CNBD2: variants seen among roughly 807,000 people sequenced by gnomAD.
CNBD2 encodes the protein cyclic nucleotide-binding domain-containing protein 2.
Under a neutral mutation model 63.7 loss-of-function variants are expected in CNBD2, and 64 were observed. The observed-to-expected ratio is 1.00, with a 90% CI of 0.82 to 1.24. CNBD2 has a LOEUF of 1.24. CNBD2 is among the 50% of genes most tolerant of loss of function. The pLI, the probability that CNBD2 is intolerant of heterozygous loss-of-function variation, is 0.00. For missense variants in CNBD2, 691 were observed against 713.5 expected (o/e 0.97, Z 0.36); for synonymous variants, 229 against 255.4 (o/e 0.90, Z 0.99).
chr20:35,954,804 C>T (rs1228127934), exon 1 of CNBD2: 2 of 353,290 alleles, frequency 5.7e-6, no homozygotes, highest in African/African-American at 4.5e-5. Context: ...TGAGCTGTAG[C>T]TCTGATGGCC....
chr20:35,989,445 T>TGGTGCAAAC (rs1214635989), intron 7 of CNBD2, among the ~76,000 whole-genome samples: 1 of 152,152 alleles, frequency 6.6e-6, no homozygotes, highest in Non-Finnish European at 1.5e-5. Context: ...ACCAAGTGAT[T>TGGTGCAAAC]GGTGCAAACT....
chr20:36,007,558 C>T (rs2057002067), intron 8 of CNBD2, among the ~76,000 whole-genome samples: 1 of 152,152 alleles, frequency 6.6e-6, no homozygotes, highest in African/African-American at 2.4e-5. Context: ...CAAAGTCTTA[C>T]TGTTGCCCAG....
chr20:35,984,013 G>A lies in CNBD2; in HGVS notation c.439G>A (p.Gly147Arg). The A allele has an allele frequency of 6.2e-7, 1 of 1,614,196 alleles. No homozygotes were observed. Among genetic ancestry groups the A allele is most frequent in the Non-Finnish European group, 8.5e-7 (1 of 1,180,038 alleles). ...FGRRRVIIKK[G>R]QKGNSFYFIY... ...TCGCAGGCGTGTGATCATCAAGAAG[G>A]GGCAGAAGGGCAACAGCTTTTATTT... The change falls in exon 5 of 12, where the codon GGG (glycine) becomes AGG (arginine). Residue 147 changes from glycine to arginine, a missense_variant. Physicochemically the swap from Gly to Arg is moderately radical, Grantham distance 125 (BLOSUM62 -2). Transcript: ENST00000373973.
At chr20:36,000,297 T>G (rs1271980676) in intron 8 of CNBD2, among the ~76,000 whole-genome samples, 1 of 152,232 alleles carries the variant, frequency 6.6e-6, no homozygotes, top group African/African-American at 2.4e-5. Context: ...AAGTCTTTTT[T>G]GACTTGCATT....
chr20:35,988,343 G>T (rs550683650), intron 7 of CNBD2, among the ~76,000 whole-genome samples: 2 of 151,316 alleles, frequency 1.3e-5, no homozygotes, highest in South Asian at 4.2e-4. Flanking sequence ...ATTTTTTTTT[G>T]TATTTTTAGT....
At chr20:35,983,636 T>A (rs1178133908) in intron 4 of CNBD2, among the ~76,000 whole-genome samples, 1 of 152,220 alleles carries the variant, frequency 6.6e-6, no homozygotes, top group African/African-American at 2.4e-5. Context: ...GTCCTCCTAA[T>A]CATTTAGTGA....
chr20:36,017,862 C>G (rs1008877343), intron 10 of CNBD2, among the ~76,000 whole-genome samples: 8 of 152,350 alleles, frequency 5.3e-5, no homozygotes, highest in African/African-American at 1.9e-4. Flanking sequence ...CACCGCTCCT[C>G]CTGCCACTCA....
At chr20:35,980,431 C>A (rs2056580284) in intron 3 of CNBD2, 28 bp from the exon 4 acceptor site, 2 of 1,612,934 alleles carry the variant, frequency 1.2e-6, no homozygotes, top group Non-Finnish European at 1.7e-6. Flanking sequence ...GCTGGGTCCC[C>A]TGTATCACTC....
At chr20:36,019,130 G>A (rs2057173062) in intron 10 of CNBD2, among the ~76,000 whole-genome samples, 2 of 151,840 alleles carry the variant, frequency 1.3e-5, no homozygotes, top group South Asian at 4.1e-4. Context: ...TGTTAGGAAT[G>A]GAATGAAAAG....
chr20:36,008,229 C>A, intron 8 of CNBD2, 68 bp from the exon 9 acceptor site: 2 of 1,327,490 alleles, frequency 1.5e-6, no homozygotes, highest in Non-Finnish European at 2.1e-6. Flanking sequence ...TAAGCTTCAA[C>A]TACTACCACC....
chr20:35,973,124 T>A, intron 2 of CNBD2: 1 of 395,588 alleles, frequency 2.5e-6, no homozygotes, highest in Non-Finnish European at 4.5e-6. Flanking sequence ...GCCTAGTTTT[T>A]CTCTTTCCAA....
At chr20:36,025,048 A>C (rs893740309) in intron 11 of CNBD2, among the ~76,000 whole-genome samples, 4 of 152,248 alleles carry the variant, frequency 2.6e-5, no homozygotes, top group Non-Finnish European at 5.9e-5. Context: ...ATAGTTTATA[A>C]AATTGTGGTA....
chr20:35,990,286 G>A (rs543360193), intron 7 of CNBD2, among the ~76,000 whole-genome samples: 1 of 152,266 alleles, frequency 6.6e-6, no homozygotes, highest in South Asian at 2.1e-4. Context: ...AGTGGCTTGG[G>A]TCTATAGCTG....
chr20:36,010,404 A>G (rs62213165), intron 9 of CNBD2, among the ~76,000 whole-genome samples: 5,452 of 150,156 alleles, frequency 0.036, 147 homozygotes, highest in Non-Finnish European at 0.053. Flanking sequence ...AGATTGTGCC[A>G]CTGCACTCCA....
chr20:36,009,607 G>A lies in CNBD2; in HGVS notation c.1148+1133G>A, dbSNP rs1281385863. Among the ~76,000 whole-genome samples the A allele has an allele frequency of 5.9e-5, 9 of 152,204 alleles. No homozygotes were observed. In the South Asian group the frequency reaches 6.2e-4, roughly 11 times the overall value. On this transcript the variant is annotated intron_variant, in intron 9 of 11. Coordinates refer to ENST00000373973, the MANE Select transcript of CNBD2 (RefSeq NM_001365709.1). ...AACACTTTGGGCGGCTGAAGCGGGC[G>A]GATTGCCTGAGGTCAGGAGTTCGTG...
Position 36,008,452 on chromosome 20 carries a change from A to G in CNBD2, c.1126A>G (p.Lys376Glu). The change falls in exon 9 of 12, where the codon AAG becomes GAG. Residue 376 changes from lysine (K) to glutamate (E), a missense_variant. Physicochemically the swap from Lys to Glu is moderately conservative, Grantham distance 56. Transcript: ENST00000373973. Reference protein sequence around the residue: ...KIRTSGDTLPKMLGPKIQSRP... With the variant: ...KIRTSGDTLPEMLGPKIQSRP... ...CAGAACCTCAGGAGACACTCTCCCCAAGATGCTGGGCCCGAAGATCCAGTA... is the reference window on the plus strand; with the variant it reads ...CAGAACCTCAGGAGACACTCTCCCCGAGATGCTGGGCCCGAAGATCCAGTA... 1 of 1,612,134 alleles carries G rather than the reference A, an allele frequency of 6.2e-7. No homozygotes were observed. The highest frequency in any genetic ancestry group is 8.5e-7 in the Non-Finnish European group (1 of 1,179,510).
intron 10 of CNBD2, among the ~76,000 whole-genome samples, chr20:36,012,577 C>T (rs753491143): frequency 1.4e-4 from 22 of 152,038 alleles, no homozygotes; most frequent in Admixed American, 9.2e-4. Flanking sequence ...TCGTGGCTCA[C>T]GCCTGTAATC....
chr20:36,015,652 T>C (rs1448767322), intron 10 of CNBD2, among the ~76,000 whole-genome samples: 5 of 152,180 alleles, frequency 3.3e-5, no homozygotes, highest in Admixed American at 3.3e-4. Context: ...AAGGGACATA[T>C]GGGGGCCACC....
intron 10 of CNBD2, among the ~76,000 whole-genome samples, chr20:36,011,483 G>C (rs1468916104): frequency 3.3e-5 from 5 of 152,084 alleles, no homozygotes; most frequent in Non-Finnish European, 5.9e-5. Flanking sequence ...TCAGGAGTTT[G>C]AGACCAGCCT....
Sources: allele counts gnomAD v4.1 joint callset (sites outside exome capture counted in the v4.1 genomes callset), GRCh38; gene constraint gnomAD v4.1.1; transcripts MANE v1.5; gene names NCBI Gene and HGNC (gene_info 2026-07-23, HGNC 2026-07-21).